The following NPAS3 variants were observed in gnomAD, a reference collection of about 807,000 sequenced individuals.
The protein encoded by NPAS3 is neuronal PAS domain-containing protein 3.
A neutral mutation model predicts 73.1 loss-of-function variants in NPAS3; 14 were observed. That is an observed-to-expected ratio of 0.19 (90% CI 0.13 to 0.30). The LOEUF (loss-of-function observed/expected upper bound fraction) is 0.30. NPAS3 is among the 10% of genes least tolerant of loss of function. NPAS3 has a pLI of 1.00. For missense variants in NPAS3, 1,096 were observed against 1,250.0 expected (o/e 0.88, Z 1.86); for synonymous variants, 620 against 541.5 (o/e 1.14, Z -2.01).
intron 6 of NPAS3, among the ~76,000 whole-genome samples, chr14:33,732,120 C>A (rs1222288553): frequency 6.6e-6 from 1 of 152,176 alleles, no homozygotes; most frequent in Non-Finnish European, 1.5e-5. Flanking sequence ...GCTTCTTAGA[C>A]ATAAACTGTT....
At chr14:32,964,050 T>C (rs1595102236) in intron 1 of NPAS3, among the ~76,000 whole-genome samples, 1 of 149,500 alleles carries the variant, frequency 6.7e-6, no homozygotes, top group African/African-American at 2.5e-5. Context: ...TGATCACATT[T>C]ACAAAAAATG....
intron 4 of NPAS3, among the ~76,000 whole-genome samples, chr14:33,395,430 A>G (rs1051727093): frequency 6.6e-6 from 1 of 152,028 alleles, no homozygotes; most frequent in African/African-American, 2.4e-5. Context: ...TTGGTAAATA[A>G]ATTCTTTGTA....
chr14:33,564,597 C>T (rs1432003050), intron 5 of NPAS3, among the ~76,000 whole-genome samples: 3 of 152,224 alleles, frequency 2.0e-5, no homozygotes. Flanking sequence ...TTCAAACTGG[C>T]TTTCCTTCAC....
At chr14:33,784,751 T>TTA (rs1555333518) in intron 9 of NPAS3, among the ~76,000 whole-genome samples, 5 of 114,876 alleles carry the variant, frequency 4.4e-5, no homozygotes, top group African/African-American at 1.5e-4. Context: ...ATTTATTTTT[T>TTA]TTTTTTTTTT....
chr14:33,415,969 GA>G (rs1187166997), intron 4 of NPAS3, among the ~76,000 whole-genome samples: 1 of 151,960 alleles, frequency 6.6e-6, no homozygotes, highest in Non-Finnish European at 1.5e-5. Context: ...TGCTGTTTTG[GA>G]TTGTATAATA....
chr14:33,603,961 G>C (rs1383348987), intron 5 of NPAS3, among the ~76,000 whole-genome samples: 1 of 151,902 alleles, frequency 6.6e-6, no homozygotes, highest in African/African-American at 2.4e-5. Context: ...GCTATCACTT[G>C]AAGGCAGACT....
intron 5 of NPAS3, among the ~76,000 whole-genome samples, chr14:33,576,254 T>C (rs956312454): frequency 6.6e-6 from 1 of 152,182 alleles, no homozygotes; most frequent in African/African-American, 2.4e-5. Flanking sequence ...GATTGTTTTA[T>C]TATATTTGAG....
At chr14:33,298,766 C>T (rs750810849) in intron 3 of NPAS3, among the ~76,000 whole-genome samples, 8 of 152,112 alleles carry the variant, frequency 5.3e-5, no homozygotes, top group Non-Finnish European at 8.8e-5. Flanking sequence ...TTCTTTTCCA[C>T]GTAAATAACA....
At chr14:33,554,038 CTT>C (rs1214419675) in intron 4 of NPAS3, among the ~76,000 whole-genome samples, 1 of 152,196 alleles carries the variant, frequency 6.6e-6, no homozygotes, top group Non-Finnish European at 1.5e-5. Flanking sequence ...CTTTCCAACT[CTT>C]TTAACTGCTG....
intron 2 of NPAS3, among the ~76,000 whole-genome samples, chr14:33,158,592 G>A (rs2044733506): frequency 6.6e-6 from 1 of 152,138 alleles, no homozygotes; most frequent in Non-Finnish European, 1.5e-5. Context: ...GGAGTTCTAA[G>A]GTACTGCAGA....
intron 5 of NPAS3, among the ~76,000 whole-genome samples, chr14:33,591,238 C>T (rs978936443): frequency 5.9e-5 from 9 of 152,126 alleles, no homozygotes; most frequent in African/African-American, 1.7e-4. Flanking sequence ...TACCTTTACT[C>T]CCTCACTGCC....
intron 4 of NPAS3, among the ~76,000 whole-genome samples, chr14:33,379,827 A>C (rs1241833783): frequency 2.6e-5 from 4 of 152,212 alleles, no homozygotes; most frequent in African/African-American, 9.7e-5. Flanking sequence ...AATCAAATCA[A>C]AATTATTTTG....
chr14:33,396,568 A>G (rs568477493), intron 4 of NPAS3, among the ~76,000 whole-genome samples: 1 of 152,154 alleles, frequency 6.6e-6, no homozygotes, highest in East Asian at 1.9e-4. Context: ...AAAAATCCTC[A>G]CTATTCCTGG....
chr14:33,308,702 A>G lies in NPAS3; in HGVS notation c.386-58484A>G, dbSNP rs145798280. Reference sequence around the variant, plus strand: ...GGTTTAGAGGTATGTTCCTTAAATAATTTTCCCGGTTGATCTTTCATCTGT... The same window carrying G: ...GGTTTAGAGGTATGTTCCTTAAATAGTTTTCCCGGTTGATCTTTCATCTGT... On this transcript the variant is annotated intron_variant, in intron 3 of 11. Transcript: ENST00000356141. Among the ~76,000 whole-genome samples, 1,425 of 151,764 alleles carry G rather than the reference A, an allele frequency of 9.4e-3. 16 individuals are homozygous for G. Among genetic ancestry groups the G allele is most frequent in the Non-Finnish European group, 0.016 (1,069 of 67,924 alleles).
At chr14:33,798,578 G>A (rs1485971752) in intron 11 of NPAS3, among the ~76,000 whole-genome samples, 2 of 152,152 alleles carry the variant, frequency 1.3e-5, no homozygotes, top group African/African-American at 4.8e-5. Flanking sequence ...GAGGGCACCT[G>A]TGCTCCAGCA....
chr14:33,143,612 AGTGG>A (rs2044137611), intron 2 of NPAS3, among the ~76,000 whole-genome samples: 1 of 152,248 alleles, frequency 6.6e-6, no homozygotes, highest in African/African-American at 2.4e-5. Context: ...TGAACAATTT[AGTGG>A]CATTAGTATA....
At chr14:33,613,681 A>C (rs2057823174) in intron 5 of NPAS3, among the ~76,000 whole-genome samples, 1 of 152,102 alleles carries the variant, frequency 6.6e-6, no homozygotes, top group South Asian at 2.1e-4. Flanking sequence ...CACACTGCTC[A>C]TCCTTCGCAC....
At chr14:33,048,442 T>A (rs1460667989) in intron 1 of NPAS3, among the ~76,000 whole-genome samples, 1 of 152,304 alleles carries the variant, frequency 6.6e-6, no homozygotes, top group South Asian at 2.1e-4. Context: ...TTCCCTGAAG[T>A]CAGGCTGCGC....
At chr14:33,549,432 A>G (rs1253431541) in intron 4 of NPAS3, among the ~76,000 whole-genome samples, 2 of 152,100 alleles carry the variant, frequency 1.3e-5, no homozygotes, top group Non-Finnish European at 2.9e-5. Context: ...ACAAGGCTTC[A>G]TCATGTTGCC....
Sources: gnomAD v4.1 joint callset for allele counts (sites outside exome capture counted in the v4.1 genomes callset) on GRCh38, gnomAD v4.1.1 for gene constraint, MANE v1.5 for transcripts, NCBI Gene and HGNC (gene_info 2026-07-23, HGNC 2026-07-21) for gene names.